Variants in SH3RF2 observed in about 807,000 individuals in gnomAD.
The protein encoded by SH3RF2 is SH3 domain containing ring finger 2.
SH3RF2 carries 43 observed loss-of-function variants against 59.0 expected under a neutral mutation model. The observed-to-expected ratio is 0.73, with a 90% CI of 0.57 to 0.94. SH3RF2 has a LOEUF of 0.94. Ranked by LOEUF, SH3RF2 falls within the 40% of genes least tolerant of loss-of-function variation. The pLI, the probability that SH3RF2 is intolerant of heterozygous loss-of-function variation, is 0.00. For synonymous variants in SH3RF2, 391 were observed against 391.5 expected, an observed-to-expected ratio of 1.00 and a Z score of 0.01; for missense variants, 930 against 940.1, an observed-to-expected ratio of 0.99 and a Z score of 0.14.
At chr5:145,997,443 G>T in intron 2 of SH3RF2, 1 of 1,463,336 alleles carries the variant, frequency 6.8e-7, no homozygotes, top group Non-Finnish European at 9.6e-7. Context: ...CTGGTGCAAG[G>T]ATGTTTATGT....
chr5:146,037,890 A>G (rs887466961), intron 5 of SH3RF2, among the ~76,000 whole-genome samples: 6 of 152,232 alleles, frequency 3.9e-5, no homozygotes, highest in Admixed American at 2.0e-4. Flanking sequence ...GGAAAAGTAT[A>G]GTTCTGCTTC....
chr5:146,050,395 ACT>A (rs1176805699), intron 7 of SH3RF2, among the ~76,000 whole-genome samples: 4 of 152,138 alleles, frequency 2.6e-5, no homozygotes, highest in Non-Finnish European at 5.9e-5. Context: ...GAGGTGGTGG[ACT>A]CTCTTTTTAG....
chr5:146,015,120 C>T (rs897266699), intron 5 of SH3RF2, among the ~76,000 whole-genome samples: 2 of 152,000 alleles, frequency 1.3e-5, no homozygotes, highest in African/African-American at 4.8e-5. Flanking sequence ...GATTAAAAGG[C>T]TTAATTGGAC....
chr5:145,939,029 A>G (rs1561700069), intron 2 of SH3RF2, among the ~76,000 whole-genome samples: 1 of 152,232 alleles, frequency 6.6e-6, no homozygotes, highest in South Asian at 2.1e-4. Flanking sequence ...ACAGGAGATT[A>G]ATGCTTTTCA....
intron 2 of SH3RF2, among the ~76,000 whole-genome samples, chr5:145,993,017 C>A (rs1561728509): frequency 2.0e-5 from 3 of 152,132 alleles, no homozygotes; most frequent in Non-Finnish European, 2.9e-5. Context: ...AGGTTAGTAA[C>A]TTACTAGATA....
At chr5:145,969,844 A>T (rs1208163847) in intron 2 of SH3RF2, among the ~76,000 whole-genome samples, 3 of 152,160 alleles carry the variant, frequency 2.0e-5, no homozygotes, top group Non-Finnish European at 4.4e-5. Flanking sequence ...AGGGTGATCA[A>T]TATACACTGT....
intron 2 of SH3RF2, among the ~76,000 whole-genome samples, chr5:145,963,593 T>C (rs1012766454): frequency 6.6e-6 from 1 of 152,198 alleles, no homozygotes; most frequent in African/African-American, 2.4e-5. Context: ...CACAGTACAT[T>C]TAAACTATTG....
chr5:145,983,299 C>T (rs12518731), intron 2 of SH3RF2, among the ~76,000 whole-genome samples: 18,990 of 144,674 alleles, frequency 0.13, 1,355 homozygotes, highest in East Asian at 0.26. Context: ...TGAGTGAGGG[C>T]GAAAACCAGC....
intron 5 of SH3RF2, among the ~76,000 whole-genome samples, chr5:146,029,199 G>A (rs1191196828): frequency 5.3e-5 from 8 of 152,190 alleles, no homozygotes; most frequent in Non-Finnish European, 1.2e-4. Context: ...TTTAGATGGA[G>A]GAACTGAGAC....
chr5:145,961,400 GGGAGAGAGCTGA>G (rs1758626723), intron 2 of SH3RF2, among the ~76,000 whole-genome samples: 2 of 152,096 alleles, frequency 1.3e-5, no homozygotes, highest in African/African-American at 4.8e-5. Context: ...CCTGAGGGAA[GGGAGAGAGCTGA>G]GGAGAGAGAT....
intron 2 of SH3RF2, among the ~76,000 whole-genome samples, chr5:145,949,224 C>T (rs1436013342): frequency 6.6e-6 from 1 of 152,218 alleles, no homozygotes; most frequent in African/African-American, 2.4e-5. Context: ...AACCAGAATG[C>T]AGCCAGATAC....
At chr5:145,995,990 C>A (rs906119136) in intron 2 of SH3RF2, among the ~76,000 whole-genome samples, 1 of 152,042 alleles carries the variant, frequency 6.6e-6, no homozygotes, top group Non-Finnish European at 1.5e-5. Flanking sequence ...TATGTTAAAC[C>A]CCCTAGCACA....
chr5:145,943,799 C>T (rs182359945), intron 2 of SH3RF2, among the ~76,000 whole-genome samples: 4 of 152,310 alleles, frequency 2.6e-5, no homozygotes, highest in African/African-American at 4.8e-5. Context: ...ATGGCCTAAG[C>T]TCTGAGGCAA....
intron 7 of SH3RF2, among the ~76,000 whole-genome samples, chr5:146,053,273 G>T (rs1333807606): frequency 6.6e-6 from 1 of 152,190 alleles, no homozygotes; most frequent in Non-Finnish European, 1.5e-5. Context: ...CTAAATCTCT[G>T]CCACCATGTT....
chr5:146,025,350 C>T (rs931672664), intron 5 of SH3RF2, among the ~76,000 whole-genome samples: 3 of 152,248 alleles, frequency 2.0e-5, no homozygotes, highest in Non-Finnish European at 4.4e-5. Context: ...CCTGCCTGTG[C>T]AGTCGCCTTG....
chr5:145,954,231 C>T (rs1758306098), intron 2 of SH3RF2, among the ~76,000 whole-genome samples: 1 of 152,156 alleles, frequency 6.6e-6, no homozygotes, highest in South Asian at 2.1e-4. Flanking sequence ...TATTTTTTGA[C>T]TTTTTGATAA....
chr5:145,961,043 C>G (rs116153520), intron 2 of SH3RF2, among the ~76,000 whole-genome samples: 1 of 152,338 alleles, frequency 6.6e-6, no homozygotes, highest in South Asian at 2.1e-4. Flanking sequence ...CTAACACATA[C>G]TCCTACAGTG....
intron 9 of SH3RF2, among the ~76,000 whole-genome samples, chr5:146,061,812 G>A (rs900789374): frequency 1.1e-4 from 17 of 152,098 alleles, no homozygotes; most frequent in South Asian, 6.2e-4. Context: ...GGCCCAGTGC[G>A]TCAGAGCTTT....
intron 4 of SH3RF2, among the ~76,000 whole-genome samples, chr5:146,011,983 T>A (rs890728625): frequency 6.6e-6 from 1 of 152,140 alleles, no homozygotes; most frequent in Non-Finnish European, 1.5e-5. Flanking sequence ...ATGCTTCCAG[T>A]TTTTGCCCAT....
Sources: gnomAD v4.1 joint callset for allele counts (sites outside exome capture counted in the v4.1 genomes callset) on GRCh38, gnomAD v4.1.1 for gene constraint, MANE v1.5 for transcripts, NCBI Gene and HGNC (gene_info 2026-07-23, HGNC 2026-07-21) for gene names.